CUX1: variants seen among roughly 807,000 people sequenced by gnomAD.
CUX1 encodes protein CASP.
In CUX1, 31 loss-of-function variants were observed where a neutral mutation model predicts 158.8. The observed-to-expected ratio is 0.20, with a 90% CI of 0.15 to 0.26. CUX1 has a LOEUF of 0.26. CUX1 is among the 10% of genes least tolerant of loss of function. The pLI is 1.00. For missense variants in CUX1, 1,589 were observed against 2,014.6 expected (o/e 0.79, Z 4.04); for synonymous variants, 879 against 862.1 (o/e 1.02, Z -0.34).
intron 2 of CUX1, among the ~76,000 whole-genome samples, chr7:102,018,237 A>C (rs1462828752): frequency 1.3e-5 from 2 of 152,248 alleles, no homozygotes; most frequent in South Asian, 2.1e-4. Context: ...CAGGGATTAC[A>C]GGTGTGAGCC....
intron 20 of CUX1, among the ~76,000 whole-genome samples, chr7:102,205,646 G>C (rs1399163305): frequency 6.6e-6 from 1 of 152,172 alleles, no homozygotes; most frequent in Non-Finnish European, 1.5e-5. Context: ...AAATGGCCAG[G>C]AAGCCCCTGA....
rs1801194540 is a variant in CUX1, at chr7:102,249,149, TGCA to T, written c.*108_*110del. ...CGTGGCCTGGGCTTGGCCCGCGGCC[TGCA>T]CCGACCCCGGGCCGGACCTGAGCCC... On this transcript the variant is annotated 3_prime_UTR_variant, in exon 24 of 24. Transcript: ENST00000292535. The T allele has an allele frequency of 4.3e-6, 5 of 1,154,338 alleles. No homozygotes were observed. The highest frequency in any genetic ancestry group is 4.7e-5 in the Admixed American group (1 of 21,238). 71.5% of individuals were successfully genotyped at this position (1,154,338 alleles called of 1,614,324 possible).
In CUX1 at chr7:102,250,010, G is replaced by A. The variant is rs1801320339; in HGVS notation, c.*968G>A. On this transcript the variant is annotated 3_prime_UTR_variant, in exon 24 of 24. Coordinates refer to ENST00000292535, the MANE Select transcript of CUX1 (RefSeq NM_181552.4). Reference sequence around the variant, plus strand: ...CCCTGGGTTTTGCAGACCAGGGTTTGTTTAATACACTCCATTCTAGGCCAA... The same window carrying A: ...CCCTGGGTTTTGCAGACCAGGGTTTATTTAATACACTCCATTCTAGGCCAA... 1.0e-6 allele frequency: 1 copy of A among 979,436 alleles called. No homozygotes were observed. The highest frequency in any genetic ancestry group is 6.6e-5 in the Admixed American group (1 of 15,208). The allele number at this position is 979,436 out of a possible 1,614,324, so 60.7% of individuals were successfully genotyped here.
At chr7:102,244,210 A>C (rs1191533614) in intron 23 of CUX1, among the ~76,000 whole-genome samples, 1 of 152,012 alleles carries the variant, frequency 6.6e-6, no homozygotes, top group Non-Finnish European at 1.5e-5. Context: ...TAAATCCCTA[A>C]CCAAGAACGT....
Position 102,249,112 on chromosome 7 carries a change from C to T in CUX1, c.*70C>T, listed in dbSNP as rs1326024767. 394 of 1,185,824 alleles carry T rather than the reference C, an allele frequency of 3.3e-4. No individual in the cohort carries two copies. Among genetic ancestry groups the T allele is most frequent in the Non-Finnish European group, 3.6e-4 (341 of 956,068 alleles). 73.5% of individuals were successfully genotyped at this position (1,185,824 alleles called of 1,614,324 possible). ...CCTGGACGGGGTCGGACGGGGCAGG[C>T]GCTGCGGACACCGTGGCCTGGGCTT... On this transcript the variant is annotated 3_prime_UTR_variant, in exon 24 of 24. Transcript: ENST00000292535.
chr7:101,839,665 T>G (rs1216776239), intron 1 of CUX1, among the ~76,000 whole-genome samples: 1 of 152,242 alleles, frequency 6.6e-6, no homozygotes, highest in Admixed American at 6.5e-5. Context: ...GTCATATATT[T>G]TGTCCTCTTT....
chr7:101,965,221 A>T (rs1811022042), intron 2 of CUX1, among the ~76,000 whole-genome samples: 1 of 152,128 alleles, frequency 6.6e-6, no homozygotes, highest in East Asian at 1.9e-4. Context: ...ACTATAATCT[A>T]ATGAATCCAG....
chr7:102,204,635 G>A, intron 19 of CUX1, 79 bp downstream of exon 19: 3 of 1,541,512 alleles, frequency 1.9e-6, no homozygotes, highest in Non-Finnish European at 2.6e-6. Flanking sequence ...CCTGGGCTAT[G>A]CAGAGAGGGA....
At chr7:101,853,073 C>T (rs1275682006) in intron 1 of CUX1, among the ~76,000 whole-genome samples, 1 of 152,102 alleles carries the variant, frequency 6.6e-6, no homozygotes, top group Admixed American at 6.6e-5. Context: ...AAATATAATA[C>T]AGTGAACACC....
At chr7:101,963,766 C>T (rs1810801310) in intron 2 of CUX1, among the ~76,000 whole-genome samples, 1 of 152,158 alleles carries the variant, frequency 6.6e-6, no homozygotes. Flanking sequence ...ATCCTCCCAC[C>T]TCAGCCTCCC....
At chr7:102,070,262 G>A (rs1357183412) in intron 3 of CUX1, 77 bp from the exon 4 acceptor site, 2 of 1,241,604 alleles carry the variant, frequency 1.6e-6, no homozygotes, top group Non-Finnish European at 2.3e-6. Flanking sequence ...TTCACTAGAT[G>A]TGTAATGCTT....
chr7:102,084,858 C>T (rs75828113), intron 4 of CUX1, among the ~76,000 whole-genome samples: 58 of 56,038 alleles, frequency 1.0e-3, no homozygotes, highest in South Asian at 2.5e-3. Context: ...ATTTTCCTTG[C>T]TTTTTTTTTT....
At chr7:101,823,339 A>G (rs1354270424) in intron 1 of CUX1, among the ~76,000 whole-genome samples, 1 of 152,182 alleles carries the variant, frequency 6.6e-6, no homozygotes, top group Non-Finnish European at 1.5e-5. Flanking sequence ...GCAACTCAAG[A>G]ACTAGCCAGC....
At chr7:101,872,570 G>A (rs1016307023) in intron 1 of CUX1, among the ~76,000 whole-genome samples, 2 of 150,488 alleles carry the variant, frequency 1.3e-5, no homozygotes, top group African/African-American at 4.9e-5. Flanking sequence ...ATGACAAAAT[G>A]ATAAAATTTG....
At chr7:101,902,512 C>G (rs1451607340) in intron 1 of CUX1, among the ~76,000 whole-genome samples, 4 of 152,190 alleles carry the variant, frequency 2.6e-5, no homozygotes, top group African/African-American at 9.7e-5. Context: ...AAATGTAATC[C>G]ACATGTGGCC....
intron 8 of CUX1, among the ~76,000 whole-genome samples, chr7:102,144,468 C>T (rs1452117463): frequency 2.0e-5 from 3 of 152,092 alleles, no homozygotes; most frequent in African/African-American, 7.2e-5. Flanking sequence ...AACATTTTAA[C>T]ACACATATCC....
At position 102,253,640 on chromosome 7, in the gene CUX1, C is replaced by G. The variant is rs1200014617; in HGVS notation, c.*4598C>G. On this transcript the variant is annotated 3_prime_UTR_variant, in exon 24 of 24. Transcript: ENST00000292535. ...GACGCATGTCCTTCTGGGAGTCACA[C>G]AAAAGCAGAGAGATTTTGAACTGAG... 1.0e-6 allele frequency: 1 copy of G among 985,212 alleles called. No homozygotes were observed. The highest frequency in any genetic ancestry group is 1.2e-6 in the Non-Finnish European group (1 of 829,908). 61.0% of individuals were successfully genotyped at this position (985,212 alleles called of 1,614,324 possible).
intron 3 of CUX1, among the ~76,000 whole-genome samples, chr7:102,052,673 G>A (rs113797973): frequency 1.3e-5 from 2 of 152,292 alleles, no homozygotes; most frequent in African/African-American, 4.8e-5. Context: ...GAATTGCTGA[G>A]TAATAGGGTA....
In CUX1 at chr7:102,012,694, G is replaced by T. The variant is rs540814384; in HGVS notation, c.142-15404G>T. Among the ~76,000 whole-genome samples the T allele has an allele frequency of 4.5e-5, 6 of 132,948 alleles. No homozygotes were observed. In the East Asian group the frequency reaches 1.1e-3, roughly 24 times the overall value. 87.2% of individuals were successfully genotyped at this position (132,948 alleles called of 152,430 possible). ...ATTCCCGTGTCCACTCTGTGTCCTGGAGAGTGGGGGCGGGGGGAGGGGGTT... is the reference window on the plus strand; with the variant it reads ...ATTCCCGTGTCCACTCTGTGTCCTGTAGAGTGGGGGCGGGGGGAGGGGGTT... On this transcript the variant is annotated intron_variant, in intron 2 of 23. Transcript: ENST00000292535.
Sources: gnomAD v4.1 joint callset for allele counts (sites outside exome capture counted in the v4.1 genomes callset) on GRCh38, gnomAD v4.1.1 for gene constraint, MANE v1.5 for transcripts, NCBI Gene and HGNC (gene_info 2026-07-23, HGNC 2026-07-21) for gene names.